The following TAF4 variants were observed in gnomAD, a reference collection of about 807,000 sequenced individuals.
TAF4 encodes TATA-box binding protein associated factor 4, also known as transcription initiation factor TFIID subunit 4.
TAF4 carries 9 observed loss-of-function variants against 90.3 expected under a neutral mutation model. That is an observed-to-expected ratio of 0.10 (90% CI 0.06 to 0.17). The LOEUF is 0.17. Ranked by LOEUF, TAF4 falls within the 10% of genes least tolerant of loss-of-function variation. The pLI is 1.00. For synonymous variants in TAF4, 818 were observed against 638.9 expected (o/e 1.28, Z -4.23); for missense variants, 1,351 against 1,370.7 (o/e 0.99, Z 0.23).
chr20:62,028,215 G>C (rs1396963873), intron 1 of TAF4, among the ~76,000 whole-genome samples: 1 of 152,148 alleles, frequency 6.6e-6, no homozygotes, highest in Admixed American at 6.5e-5. Context: ...CAACACACGG[G>C]TTCTGGCCTT....
intron 1 of TAF4, among the ~76,000 whole-genome samples, chr20:62,023,979 G>A (rs1269848389): frequency 6.6e-6 from 1 of 152,122 alleles, no homozygotes; most frequent in East Asian, 1.9e-4. Context: ...TCAGGAGGCT[G>A]AGGTGGGAAG....
At chr20:61,986,510 C>A (rs1342008070) in intron 14 of TAF4, among the ~76,000 whole-genome samples, 5 of 151,988 alleles carry the variant, frequency 3.3e-5, no homozygotes, top group Admixed American at 3.3e-4. Context: ...CATTCCCAAC[C>A]AAAGGAAACA....
intron 1 of TAF4, among the ~76,000 whole-genome samples, chr20:62,020,421 A>G (rs1387177801): frequency 6.6e-6 from 1 of 152,242 alleles, no homozygotes; most frequent in Non-Finnish European, 1.5e-5. Context: ...ACAAGGTCCC[A>G]ACCCTCAGCT....
At chr20:62,044,324 A>G (rs1246461817) in intron 1 of TAF4, among the ~76,000 whole-genome samples, 2 of 152,358 alleles carry the variant, frequency 1.3e-5, no homozygotes, top group African/African-American at 4.8e-5. Flanking sequence ...TATATGCTAC[A>G]TTAGTTATAA....
intron 1 of TAF4, among the ~76,000 whole-genome samples, chr20:62,060,209 C>T: frequency 6.6e-6 from 1 of 152,336 alleles, no homozygotes; most frequent in East Asian, 1.9e-4. Context: ...CCCAGGCGCC[C>T]GGGGCCTGCC....
At chr20:62,061,616 T>C (rs1367183379) in intron 1 of TAF4, among the ~76,000 whole-genome samples, 1 of 152,262 alleles carries the variant, frequency 6.6e-6, no homozygotes, top group African/African-American at 2.4e-5. Flanking sequence ...AACATGCTAA[T>C]GTGGGTGTCA....
At chr20:62,023,721 C>A (rs1355836696) in intron 1 of TAF4, among the ~76,000 whole-genome samples, 1 of 131,342 alleles carries the variant, frequency 7.6e-6, no homozygotes, top group African/African-American at 2.8e-5. Flanking sequence ...GCACTCCAGC[C>A]TGGGCAACAG....
intron 1 of TAF4, among the ~76,000 whole-genome samples, chr20:62,051,337 A>G (rs2056026421): frequency 6.6e-6 from 1 of 152,062 alleles, no homozygotes; most frequent in Non-Finnish European, 1.5e-5. Flanking sequence ...TTCTGGGCCC[A>G]CTGTGCCTGA....
intron 1 of TAF4, among the ~76,000 whole-genome samples, chr20:62,044,864 G>C (rs1030322818): frequency 1.3e-5 from 2 of 152,202 alleles, no homozygotes; most frequent in Admixed American, 1.3e-4. Flanking sequence ...GAAGAGACAG[G>C]CCTGGGACAG....
intron 1 of TAF4, among the ~76,000 whole-genome samples, chr20:62,028,261 C>T (rs1228643186): frequency 6.6e-6 from 1 of 152,046 alleles, no homozygotes. Context: ...TCAAACATAC[C>T]CCCCAAAAAA....
chr20:62,013,904 C>A (rs1180648176), intron 2 of TAF4, among the ~76,000 whole-genome samples: 1 of 116,068 alleles, frequency 8.6e-6, no homozygotes. Context: ...AAGGCTGACG[C>A]GGGTGTGTGT....
intron 1 of TAF4, among the ~76,000 whole-genome samples, chr20:62,055,052 C>A (rs1027502687): frequency 6.6e-6 from 1 of 152,232 alleles, no homozygotes. Context: ...GCAAAAGTGA[C>A]CTCAACATAC....
chr20:62,036,055 C>T (rs2055930984), intron 1 of TAF4, among the ~76,000 whole-genome samples: 1 of 149,860 alleles, frequency 6.7e-6, no homozygotes, highest in South Asian at 2.1e-4. Context: ...AAGAGTTTTG[C>T]TCTTGTTGCC....
intron 1 of TAF4, among the ~76,000 whole-genome samples, chr20:62,021,182 C>CA (rs538821999): frequency 5.9e-5 from 9 of 151,570 alleles, no homozygotes; most frequent in South Asian, 4.2e-4. Flanking sequence ...GGCTCAGAGG[C>CA]AAAAAAAGGC....
At chr20:62,017,549 A>G (rs534172014) in intron 1 of TAF4, among the ~76,000 whole-genome samples, 37 of 152,322 alleles carry the variant, frequency 2.4e-4, no homozygotes, top group African/African-American at 7.5e-4. Flanking sequence ...TGGGAGGCTG[A>G]GGCAGGAGAA....
At chr20:62,044,106 G>C (rs191710170) in intron 1 of TAF4, among the ~76,000 whole-genome samples, 2 of 152,318 alleles carry the variant, frequency 1.3e-5, no homozygotes, top group East Asian at 3.9e-4. Flanking sequence ...CCTTGGCAGA[G>C]AAAAATATAT....
intron 1 of TAF4, among the ~76,000 whole-genome samples, chr20:62,062,890 T>A (rs1245645186): frequency 6.6e-6 from 1 of 152,208 alleles, no homozygotes; most frequent in Non-Finnish European, 1.5e-5. Context: ...GCACCTGGCC[T>A]GCGCTGAGAC....
chr20:62,013,057 T>C (rs1242934349), intron 2 of TAF4, 123 bp from the exon 3 acceptor site: 1 of 1,353,444 alleles, frequency 7.4e-7, no homozygotes, highest in African/African-American at 1.5e-5. Context: ...GGCTTATCCG[T>C]GATCTGCAAT....
At chr20:62,030,323 A>G (rs1307754494) in intron 1 of TAF4, among the ~76,000 whole-genome samples, 1 of 152,248 alleles carries the variant, frequency 6.6e-6, no homozygotes, top group African/African-American at 2.4e-5. Context: ...AGCATCACAG[A>G]CGTCACCACC....
Sources: allele counts gnomAD v4.1 joint callset (sites outside exome capture counted in the v4.1 genomes callset), GRCh38; gene constraint gnomAD v4.1.1; transcripts MANE v1.5; gene names NCBI Gene and HGNC (gene_info 2026-07-23, HGNC 2026-07-21).